ASIC2: variants seen among roughly 807,000 people sequenced by gnomAD.
The protein encoded by ASIC2 is acid-sensing ion channel 2.
In ASIC2, 25 loss-of-function variants were observed where a neutral mutation model predicts 57.3. That is an observed-to-expected ratio of 0.44 (90% CI 0.32 to 0.61). The LOEUF is 0.61. ASIC2 is among the 20% of genes least tolerant of loss of function. The probability of loss-of-function intolerance (pLI) is 0.06; values close to 1 mark genes in which losing one functional copy is unlikely to be tolerated. For synonymous variants in ASIC2, 319 were observed against 307.5 expected (o/e 1.04, Z -0.39); for missense variants, 641 against 738.1 (o/e 0.87, Z 1.52).
At chr17:33,139,782 C>T (rs891423191) in intron 1 of ASIC2, among the ~76,000 whole-genome samples, 1 of 152,168 alleles carries the variant, frequency 6.6e-6, no homozygotes, top group Non-Finnish European at 1.5e-5. Context: ...CCCTTCTTTC[C>T]CCGGAGAGAC....
At chr17:33,402,498 C>T (rs1473957448) in intron 1 of ASIC2, among the ~76,000 whole-genome samples, 1 of 152,118 alleles carries the variant, frequency 6.6e-6, no homozygotes, top group African/African-American at 2.4e-5. Context: ...TCCATGTGTT[C>T]TCATTGTTCA....
chr17:33,792,216 G>A (rs961423122), intron 1 of ASIC2: 1 of 152,304 alleles, frequency 6.6e-6, no homozygotes, highest in Non-Finnish European at 1.5e-5. Context: ...CCAGTGGGTA[G>A]TGGTGGAGCT....
chr17:34,086,940 T>C (rs1324780651), intron 1 of ASIC2, among the ~76,000 whole-genome samples: 5 of 152,164 alleles, frequency 3.3e-5, no homozygotes, highest in East Asian at 1.9e-4. Context: ...TGTCTCTGCA[T>C]GGGAGATGGG....
chr17:33,657,757 TAA>T (rs34103812), intron 1 of ASIC2, among the ~76,000 whole-genome samples: 11 of 103,472 alleles, frequency 1.1e-4, no homozygotes, highest in African/African-American at 1.8e-4. Context: ...TGGCAGTTTC[TAA>T]AAAAAAAAAA....
At chr17:33,202,914 G>A (rs1301122396) in intron 1 of ASIC2, among the ~76,000 whole-genome samples, 1 of 152,140 alleles carries the variant, frequency 6.6e-6, no homozygotes. Flanking sequence ...GGACCACCCT[G>A]CTCCATGGAC....
At chr17:34,095,724 G>T (rs1026115424) in intron 1 of ASIC2, among the ~76,000 whole-genome samples, 3 of 141,972 alleles carry the variant, frequency 2.1e-5, no homozygotes, top group African/African-American at 7.8e-5. Flanking sequence ...TATATATAGA[G>T]AGATATATAT....
chr17:33,286,651 C>T (rs1467528884), intron 1 of ASIC2, among the ~76,000 whole-genome samples: 1 of 152,188 alleles, frequency 6.6e-6, no homozygotes, highest in East Asian at 1.9e-4. Flanking sequence ...TCTTTCTCTC[C>T]TTTTCTACTT....
At chr17:34,038,622 C>T (rs1907982304) in intron 1 of ASIC2, 7 of 1,597,144 alleles carry the variant, frequency 4.4e-6, no homozygotes, top group Non-Finnish European at 6.0e-6. Flanking sequence ...CTTTTTACTT[C>T]CCTGATATGT....
At chr17:33,189,610 C>T (rs2142066804) in intron 1 of ASIC2, among the ~76,000 whole-genome samples, 1 of 152,170 alleles carries the variant, frequency 6.6e-6, no homozygotes, top group African/African-American at 2.4e-5. Context: ...TGAAAGGATG[C>T]TAACACTTAA....
chr17:33,393,432 A>AG (rs1318543200), intron 1 of ASIC2, among the ~76,000 whole-genome samples: 2 of 151,992 alleles, frequency 1.3e-5, no homozygotes, highest in Admixed American at 1.3e-4. Context: ...TTCACATCCC[A>AG]GCTTAATCCT....
At chr17:33,207,633 G>A (rs1027458694) in intron 1 of ASIC2, among the ~76,000 whole-genome samples, 2 of 152,106 alleles carry the variant, frequency 1.3e-5, no homozygotes, top group Admixed American at 6.5e-5. Context: ...TGCCCATACC[G>A]CCTTGGACTT....
At chr17:33,269,350 T>C (rs1904351808) in intron 1 of ASIC2, among the ~76,000 whole-genome samples, 1 of 151,802 alleles carries the variant, frequency 6.6e-6, no homozygotes, top group Non-Finnish European at 1.5e-5. Flanking sequence ...CTGGATGGAG[T>C]TTTCTACTCT....
At chr17:33,132,831 A>G (rs1386767620) in intron 1 of ASIC2, among the ~76,000 whole-genome samples, 1 of 151,976 alleles carries the variant, frequency 6.6e-6, no homozygotes, top group African/African-American at 2.4e-5. Flanking sequence ...CTGCTTTTCT[A>G]TGTGCATGGA....
chr17:33,084,606 C>T (rs7223526), intron 3 of ASIC2, among the ~76,000 whole-genome samples: 72,544 of 152,196 alleles, frequency 0.48, 17,871 homozygotes, highest in African/African-American at 0.61. Context: ...AGAACCCCCC[C>T]TGCAGGGTTG....
intron 1 of ASIC2, among the ~76,000 whole-genome samples, chr17:33,767,410 G>A (rs747817748): frequency 1.3e-5 from 2 of 152,184 alleles, no homozygotes; most frequent in Non-Finnish European, 1.5e-5. Flanking sequence ...ATGTGTTTGC[G>A]TATAAATTAG....
At chr17:34,062,617 C>A (rs962077424) in intron 1 of ASIC2, among the ~76,000 whole-genome samples, 11 of 151,948 alleles carry the variant, frequency 7.2e-5, no homozygotes, top group African/African-American at 2.7e-4. Flanking sequence ...ATTGATAGAC[C>A]ATTAGCAAGA....
intron 1 of ASIC2, among the ~76,000 whole-genome samples, chr17:33,518,080 G>T (rs1280989214): frequency 6.6e-6 from 1 of 152,164 alleles, no homozygotes; most frequent in African/African-American, 2.4e-5. Context: ...CCCCTCTGAT[G>T]TGCAGGAACA....
chr17:33,104,557 G>T (rs1236151596), intron 2 of ASIC2, among the ~76,000 whole-genome samples: 1 of 152,220 alleles, frequency 6.6e-6, no homozygotes, highest in Non-Finnish European at 1.5e-5. Context: ...AGTGGGATCA[G>T]AGCCATGTTG....
At chr17:33,202,619 C>A (rs1032552211) in intron 1 of ASIC2, among the ~76,000 whole-genome samples, 1 of 152,172 alleles carries the variant, frequency 6.6e-6, no homozygotes, top group African/African-American at 2.4e-5. Context: ...AGTATGCACC[C>A]AGAAGCCCAT....
Sources: gnomAD v4.1 joint callset for allele counts (sites outside exome capture counted in the v4.1 genomes callset) on GRCh38, gnomAD v4.1.1 for gene constraint, MANE v1.5 for transcripts, NCBI Gene and HGNC (gene_info 2026-07-23, HGNC 2026-07-21) for gene names.